TMTC2: variants seen among roughly 807,000 people sequenced by gnomAD.
The protein encoded by TMTC2 is protein O-mannosyl-transferase TMTC2.
In TMTC2, 43 loss-of-function variants were observed where a neutral mutation model predicts 82.4. That is an observed-to-expected ratio of 0.52 (90% CI 0.41 to 0.67). TMTC2 has a LOEUF of 0.67. Ranked by LOEUF, TMTC2 falls within the 30% of genes least tolerant of loss-of-function variation. TMTC2 has a pLI of 0.00. For synonymous variants in TMTC2, 408 were observed against 381.9 expected (o/e 1.07, Z -0.80); for missense variants, 919 against 1,012.4 (o/e 0.91, Z 1.25).
chr12:82,997,157 CCT>C (rs750382234), intron 8 of TMTC2, among the ~76,000 whole-genome samples: 1 of 41,298 alleles, frequency 2.4e-5, no homozygotes, highest in Non-Finnish European at 5.9e-5. Context: ...TTGATACTTC[CCT>C]CTCTCTCTCT....
At chr12:82,865,566 A>T (rs1871803765) in intron 2 of TMTC2, among the ~76,000 whole-genome samples, 1 of 152,286 alleles carries the variant, frequency 6.6e-6, no homozygotes, top group Admixed American at 6.5e-5. Flanking sequence ...ATAATGGGAG[A>T]CTTTAACACC....
intron 1 of TMTC2, among the ~76,000 whole-genome samples, chr12:82,724,161 T>C (rs749858827): frequency 2.6e-5 from 4 of 152,192 alleles, no homozygotes; most frequent in Non-Finnish European, 5.9e-5. Context: ...CAAGGCAAAC[T>C]AGAAATTCAG....
chr12:82,826,499 T>G (rs891615638), intron 1 of TMTC2, among the ~76,000 whole-genome samples: 3 of 152,194 alleles, frequency 2.0e-5, no homozygotes, highest in African/African-American at 7.2e-5. Flanking sequence ...TTTAATGGTG[T>G]GCTTAAAAAA....
At chr12:82,770,077 G>A (rs536800223) in intron 1 of TMTC2, among the ~76,000 whole-genome samples, 3 of 152,212 alleles carry the variant, frequency 2.0e-5, no homozygotes, top group Admixed American at 2.0e-4. Context: ...GTGTGGGTGC[G>A]AATTCCCATA....
chr12:82,795,000 T>G (rs1182741551), intron 1 of TMTC2, among the ~76,000 whole-genome samples: 1 of 152,086 alleles, frequency 6.6e-6, no homozygotes. Flanking sequence ...TGTGAATCGC[T>G]GGAATCCGAA....
chr12:83,082,602 A>G (rs1188154967), intron 11 of TMTC2, among the ~76,000 whole-genome samples: 1 of 152,206 alleles, frequency 6.6e-6, no homozygotes, highest in Non-Finnish European at 1.5e-5. Flanking sequence ...TGTATGCTAT[A>G]TCTCAAAAGT....
intron 1 of TMTC2, among the ~76,000 whole-genome samples, chr12:82,799,263 G>T (rs1878878854): frequency 6.6e-6 from 1 of 152,144 alleles, no homozygotes; most frequent in South Asian, 2.1e-4. Flanking sequence ...GACCTGCCCT[G>T]ATGGAGAATC....
intron 9 of TMTC2, among the ~76,000 whole-genome samples, chr12:83,046,578 T>C (rs1483661058): frequency 6.6e-6 from 1 of 152,196 alleles, no homozygotes; most frequent in Non-Finnish European, 1.5e-5. Context: ...CTCTTTCCTT[T>C]AGTCCTGGCT....
At position 82,895,968 on chromosome 12, in the gene TMTC2, C is replaced by A; in HGVS notation, c.805C>A (p.Arg269Ser). ...TGCTGATTCGGACAGCCTCCTCACC[C>A]GCACTCTCACCTTCTTCTACTTGCC... ...PAADSDSLLT[R>S]TLTFFYLPTK... Residue 269 changes from arginine to serine, a missense_variant, in exon 3 of 12, where the codon CGC (arginine) becomes AGC (serine). Physicochemically the swap from Arg to Ser is moderately radical, Grantham distance 110. Coordinates refer to ENST00000321196, the MANE Select transcript of TMTC2 (RefSeq NM_152588.3). 6.2e-7 allele frequency: 1 copy of A among 1,613,870 alleles called. No homozygotes were observed. The highest frequency in any genetic ancestry group is 8.5e-7 in the Non-Finnish European group (1 of 1,179,996).
chr12:83,034,343 A>G (rs2137429173), intron 9 of TMTC2, among the ~76,000 whole-genome samples: 1 of 152,330 alleles, frequency 6.6e-6, no homozygotes, highest in East Asian at 1.9e-4. Context: ...CCAAGACAAT[A>G]TTAAGCTTGT....
chr12:82,819,731 G>A (rs1357400385), intron 1 of TMTC2, among the ~76,000 whole-genome samples: 1 of 151,950 alleles, frequency 6.6e-6, no homozygotes, highest in African/African-American at 2.4e-5. Flanking sequence ...TCAAACTCCT[G>A]AACTCAGTTG....
At chr12:82,866,875 G>A (rs925520055) in intron 2 of TMTC2, among the ~76,000 whole-genome samples, 1 of 152,162 alleles carries the variant, frequency 6.6e-6, no homozygotes, top group Non-Finnish European at 1.5e-5. Context: ...GGGTGGTGTA[G>A]AAAAAACTGA....
intron 4 of TMTC2, among the ~76,000 whole-genome samples, chr12:82,954,489 G>A (rs376022082): frequency 2.0e-5 from 3 of 152,202 alleles, no homozygotes; most frequent in Non-Finnish European, 4.4e-5. Context: ...ATTGTTAAGA[G>A]TGCTGCACAT....
chr12:82,868,960 A>G (rs1222142653), intron 2 of TMTC2, among the ~76,000 whole-genome samples: 1 of 152,116 alleles, frequency 6.6e-6, no homozygotes, highest in East Asian at 1.9e-4. Context: ...TATTTCATGA[A>G]CTATTTTGGA....
At chr12:82,868,715 G>GA (rs569942357) in intron 2 of TMTC2, among the ~76,000 whole-genome samples, 31 of 97,614 alleles carry the variant, frequency 3.2e-4, no homozygotes, top group East Asian at 1.2e-3. Flanking sequence ...TTTTTTTTTT[G>GA]AAAAAAAAAG....
chr12:83,012,139 A>G (rs565404484), intron 8 of TMTC2, among the ~76,000 whole-genome samples: 1 of 152,256 alleles, frequency 6.6e-6, no homozygotes, highest in African/African-American at 2.4e-5. Context: ...TATCTTACTC[A>G]CTAGAATGAA....
intron 3 of TMTC2, among the ~76,000 whole-genome samples, chr12:82,929,192 G>A (rs75735428): frequency 4.6e-5 from 7 of 151,914 alleles, no homozygotes; most frequent in Admixed American, 3.9e-4. Context: ...GGGCTCAAGC[G>A]ATCATGACAT....
chr12:82,783,635 A>G (rs1009693314), intron 1 of TMTC2, among the ~76,000 whole-genome samples: 2 of 152,092 alleles, frequency 1.3e-5, no homozygotes, highest in Non-Finnish European at 1.5e-5. Flanking sequence ...AAGCATGGTT[A>G]TGTGTTTAAT....
At chr12:83,038,299 T>G in intron 9 of TMTC2, among the ~76,000 whole-genome samples, 1 of 151,772 alleles carries the variant, frequency 6.6e-6, no homozygotes, top group Middle Eastern at 3.4e-3. Context: ...AAAATATATA[T>G]ATATACTCAA....
Sources: allele counts gnomAD v4.1 joint callset (sites outside exome capture counted in the v4.1 genomes callset), GRCh38; gene constraint gnomAD v4.1.1; transcripts MANE v1.5; gene names NCBI Gene and HGNC (gene_info 2026-07-23, HGNC 2026-07-21).